TMEM245: variants seen among roughly 807,000 people sequenced by gnomAD.
TMEM245 encodes protein CG-2.
A neutral mutation model predicts 101.2 loss-of-function variants in TMEM245; 69 were observed. The observed-to-expected ratio is 0.68, with a 90% CI of 0.56 to 0.83. The LOEUF (loss-of-function observed/expected upper bound fraction) is 0.83. Ranked by LOEUF, TMEM245 falls within the 40% of genes least tolerant of loss-of-function variation. The pLI, the probability that TMEM245 is intolerant of heterozygous loss-of-function variation, is 0.00. For synonymous variants in TMEM245, 537 were observed against 449.8 expected (o/e 1.19, Z -2.45); for missense variants, 1,075 against 1,092.8 (o/e 0.98, Z 0.23).
At position 109,091,086 on chromosome 9, in the gene TMEM245, G is replaced by A; in HGVS notation, c.986C>T (p.Thr329Ile). The change falls in exon 5 of 18, where the codon ACT becomes ATT. Residue 329 changes from threonine (T) to isoleucine (I), a missense_variant. Transcript: ENST00000374586. ...TCTGCCCAGAGTAGGTGAAGGGGAA[G>A]TGGGTGAAGGGGAGGAGGGTGAAGG... is the stretch of plus-strand genomic sequence containing the variant. Reference protein sequence around the residue: ...TSPSPSSPSPTSPSPTLGRRR... With the variant: ...TSPSPSSPSPISPSPTLGRRR... The A allele has an allele frequency of 6.2e-7, 1 of 1,614,120 alleles. No individual in the cohort carries two copies. The highest frequency in any genetic ancestry group is 8.5e-7 in the Non-Finnish European group (1 of 1,179,996).
intron 17 of TMEM245, 21 bp from the exon 18 acceptor site, chr9:109,020,526 A>C (rs1180142308): frequency 1.9e-6 from 3 of 1,608,374 alleles, no homozygotes; most frequent in Non-Finnish European, 2.6e-6. Flanking sequence ...AAAAGACGGA[A>C]TGATTAGTTG....
chr9:109,016,798 T>C lies in TMEM245; in HGVS notation c.*3662A>G, dbSNP rs921835671. On this transcript the variant is annotated 3_prime_UTR_variant, in exon 18 of 18. Transcript: ENST00000374586. The stretch of plus-strand genomic sequence containing the variant: ...AGCTGGAACTAGCATTTGGAAGTAA[T>C]GCTAGCCAGAGGCTATTTCCACTGT... 1 of 152,064 alleles carries C rather than the reference T, an allele frequency of 6.6e-6. No individual in the cohort carries two copies. Among genetic ancestry groups the C allele is most frequent in the African/African-American group, 2.4e-5 (1 of 41,416 alleles). The allele number at this position is 152,064 out of a possible 1,614,324, so 9.4% of individuals were successfully genotyped here. A position where few individuals can be genotyped will look rare whatever the true frequency, so the allele number is the denominator to read the frequency against.
intron 9 of TMEM245, among the ~76,000 whole-genome samples, chr9:109,073,094 T>C (rs910873931): frequency 6.6e-6 from 1 of 152,220 alleles, no homozygotes; most frequent in African/African-American, 2.4e-5. Flanking sequence ...ATGAAGTGCT[T>C]TGTAAATTAT....
chr9:109,040,751 T>C (rs920929136), intron 14 of TMEM245, among the ~76,000 whole-genome samples: 1 of 152,328 alleles, frequency 6.6e-6, no homozygotes, highest in East Asian at 1.9e-4. Flanking sequence ...TTCACCAACA[T>C]TGTTGAGTAT....
At position 109,119,881 on chromosome 9, in the gene TMEM245, T is replaced by G. The variant is rs544460320; in HGVS notation, c.33A>C (p.Pro11=). 3.1e-6 allele frequency: 4 copies of G among 1,301,390 alleles called. No individual in the cohort carries two copies. Among genetic ancestry groups the G allele is most frequent in the South Asian group, 5.1e-5 (2 of 39,272 alleles). 80.6% of individuals were successfully genotyped at this position (1,301,390 alleles called of 1,614,324 possible). A position where few individuals can be genotyped will look rare whatever the true frequency, so the allele number is the denominator to read the frequency against. Residue 11 remains proline (P), a synonymous_variant, in exon 1 of 18, where the codon CCA becomes CCC. Transcript: ENST00000374586. The stretch of plus-strand genomic sequence containing the variant: ...CCGGCCCGGGAGAGCTCCGCAGGCT[T>G]GGCGCGTCCTTAGGGCCGCCGCCGT... The part of the protein sequence containing the change: MADGGGPKDA[P]SLRSSPGPAP...
At chr9:109,090,804 A>C (rs1162067993) in intron 5 of TMEM245, 118 bp downstream of exon 5, 4 of 847,006 alleles carry the variant, frequency 4.7e-6, no homozygotes, top group Non-Finnish European at 7.2e-6. Flanking sequence ...ATGCAAACAT[A>C]AGATTGTTTT....
At chr9:109,021,365 T>A (rs1827616391) in intron 17 of TMEM245, among the ~76,000 whole-genome samples, 1 of 152,210 alleles carries the variant, frequency 6.6e-6, no homozygotes, top group Non-Finnish European at 1.5e-5. Context: ...TGGGACCAGA[T>A]GTTTATGCAA....
chr9:109,071,209 C>T (rs1042514474), intron 9 of TMEM245, among the ~76,000 whole-genome samples: 1 of 152,080 alleles, frequency 6.6e-6, no homozygotes, highest in African/African-American at 2.4e-5. Flanking sequence ...GAGAGTCATC[C>T]ATGTTGGTAC....
chr9:109,062,582 C>CAGTT (rs1829048092), intron 10 of TMEM245, among the ~76,000 whole-genome samples: 1 of 152,184 alleles, frequency 6.6e-6, no homozygotes, highest in Non-Finnish European at 1.5e-5. Context: ...ATATGTGAAC[C>CAGTT]AGTTACTAGA....
chr9:109,037,574 T>C (rs982457158), intron 15 of TMEM245, among the ~76,000 whole-genome samples: 1 of 152,156 alleles, frequency 6.6e-6, no homozygotes, highest in Non-Finnish European at 1.5e-5. Flanking sequence ...AAAACTGTGG[T>C]AGCACCTCTC....
At chr9:109,057,715 C>T (rs1055132109) in intron 11 of TMEM245, among the ~76,000 whole-genome samples, 2 of 152,016 alleles carry the variant, frequency 1.3e-5, no homozygotes, top group Admixed American at 6.6e-5. Context: ...TGTACCACGG[C>T]ACTCCAGCCT....
chr9:109,095,719 G>T (rs941797451), intron 3 of TMEM245, among the ~76,000 whole-genome samples: 1 of 152,134 alleles, frequency 6.6e-6, no homozygotes, highest in African/African-American at 2.4e-5. Flanking sequence ...AATAATCCCA[G>T]TGTACCACAA....
chr9:109,118,731 G>C (rs1830800286), intron 1 of TMEM245, among the ~76,000 whole-genome samples: 2 of 152,232 alleles, frequency 1.3e-5, no homozygotes, highest in East Asian at 3.8e-4. Context: ...AGCACAGGCA[G>C]CTCAGCACCC....
chr9:109,050,204 G>T, intron 14 of TMEM245, 79 bp downstream of exon 14: 1 of 1,526,044 alleles, frequency 6.6e-7, no homozygotes, highest in African/African-American at 1.4e-5. Context: ...ATGTTATCAG[G>T]ATGCTCATGA....
At chr9:109,097,573 A>T (rs1219753503) in intron 3 of TMEM245, among the ~76,000 whole-genome samples, 1 of 152,198 alleles carries the variant, frequency 6.6e-6, no homozygotes, top group Non-Finnish European at 1.5e-5. Context: ...CATGTGTAAA[A>T]ATGAGGCTTA....
intron 11 of TMEM245, among the ~76,000 whole-genome samples, chr9:109,058,119 G>C (rs1432568499): frequency 6.6e-6 from 1 of 150,538 alleles, no homozygotes; most frequent in Non-Finnish European, 1.5e-5. Context: ...TCCTGCCTCA[G>C]CCTCCCGAGT....
chr9:109,044,252 C>A (rs576549757), intron 14 of TMEM245, among the ~76,000 whole-genome samples: 1 of 152,224 alleles, frequency 6.6e-6, no homozygotes, highest in African/African-American at 2.4e-5. Flanking sequence ...AATAACAAGA[C>A]AATTCAGGAT....
intron 1 of TMEM245, among the ~76,000 whole-genome samples, chr9:109,116,286 G>A (rs1022084953): frequency 1.1e-4 from 16 of 152,206 alleles, no homozygotes; most frequent in Admixed American, 7.8e-4. Flanking sequence ...AAGCCAAACC[G>A]CTGTGAACTG....
intron 17 of TMEM245, among the ~76,000 whole-genome samples, chr9:109,028,844 A>G (rs1442500366): frequency 6.6e-6 from 1 of 152,160 alleles, no homozygotes; most frequent in African/African-American, 2.4e-5. Context: ...TTATGCCAAC[A>G]ACAGGACTGC....
Sources: gnomAD v4.1 joint callset for allele counts (sites outside exome capture counted in the v4.1 genomes callset) on GRCh38, gnomAD v4.1.1 for gene constraint, MANE v1.5 for transcripts, NCBI Gene and HGNC (gene_info 2026-07-23, HGNC 2026-07-21) for gene names.